The following PDE7B variants were observed in gnomAD, a reference collection of about 807,000 sequenced individuals.
PDE7B encodes the protein phosphodiesterase 7B, also known as 3',5'-cyclic-AMP phosphodiesterase 7B.
In PDE7B, 29 loss-of-function variants were observed where a neutral mutation model predicts 56.2. That is an observed-to-expected ratio of 0.52 (90% confidence interval 0.38 to 0.70). PDE7B has a LOEUF of 0.70. PDE7B is among the 30% of genes least tolerant of loss of function. The pLI is 0.00. For synonymous variants in PDE7B, 197 were observed against 196.9 expected, an observed-to-expected ratio of 1.00 and a Z score of 0.00; for missense variants, 490 against 565.0, an observed-to-expected ratio of 0.87 and a Z score of 1.35.
intron 2 of PDE7B, among the ~76,000 whole-genome samples, chr6:136,042,811 A>G (rs1776435162): frequency 6.6e-6 from 1 of 152,244 alleles, no homozygotes; most frequent in Non-Finnish European, 1.5e-5. Context: ...ATTATAATCA[A>G]GAAGCATTTA....
At chr6:135,889,740 C>G (rs1254799857) in intron 1 of PDE7B, among the ~76,000 whole-genome samples, 2 of 130,644 alleles carry the variant, frequency 1.5e-5, no homozygotes, top group African/African-American at 6.0e-5. Flanking sequence ...CGCACCCAGA[C>G]GGTGCTACCA....
chr6:136,013,394 G>C (rs909605642), intron 2 of PDE7B, among the ~76,000 whole-genome samples: 5 of 152,216 alleles, frequency 3.3e-5, no homozygotes, highest in African/African-American at 1.2e-4. Context: ...GACTGGAATA[G>C]TTATGGAACT....
chr6:136,016,399 G>A (rs978316043), intron 2 of PDE7B, among the ~76,000 whole-genome samples: 1 of 152,180 alleles, frequency 6.6e-6, no homozygotes, highest in Non-Finnish European at 1.5e-5. Context: ...CACAAAGCCA[G>A]GTACGTCTGA....
chr6:135,905,344 GTGTA>G (rs1280899943), intron 1 of PDE7B, among the ~76,000 whole-genome samples: 15 of 94,136 alleles, frequency 1.6e-4, no homozygotes, highest in Admixed American at 4.4e-4. Context: ...GCGTGTGTGT[GTGTA>G]TGTGTGTGTG....
intron 2 of PDE7B, among the ~76,000 whole-genome samples, chr6:136,108,385 C>T (rs1056209389): frequency 2.6e-5 from 4 of 152,040 alleles, no homozygotes; most frequent in African/African-American, 7.2e-5. Context: ...AGAACGAAAG[C>T]TACAATGCAA....
rs368932481 is a variant in PDE7B, at chr6:135,996,919, T to C, written c.82+49395T>C. ...TGCTGTGAAGATTAGTCACATTAAA[T>C]TTGAGTATAGTCCATTGGAGATATG... On this transcript the variant is annotated intron_variant, in intron 2 of 12. Coordinates refer to ENST00000308191, the MANE Select transcript of PDE7B (RefSeq NM_018945.4). Among the ~76,000 whole-genome samples the C allele has an allele frequency of 9.9e-5, 15 of 152,234 alleles. 1 individual carries two copies. Among genetic ancestry groups the C allele is most frequent in the Admixed American group, 5.2e-4 (8 of 15,296 alleles).
At chr6:135,909,047 TTA>T (rs2128193388) in intron 1 of PDE7B, among the ~76,000 whole-genome samples, 1 of 152,336 alleles carries the variant, frequency 6.6e-6, no homozygotes, top group Non-Finnish European at 1.5e-5. Context: ...ACTTTGGATC[TTA>T]TGTTAGTTAT....
intron 2 of PDE7B, among the ~76,000 whole-genome samples, chr6:135,973,469 T>C (rs1174217884): frequency 4.6e-5 from 7 of 151,072 alleles, no homozygotes; most frequent in African/African-American, 1.7e-4. Flanking sequence ...TCCTGACTTC[T>C]GTTCTTTTAA....
chr6:135,989,921 A>C (rs1216223952), intron 2 of PDE7B, among the ~76,000 whole-genome samples: 2 of 152,138 alleles, frequency 1.3e-5, no homozygotes, highest in East Asian at 3.8e-4. Context: ...AAATGTAGTT[A>C]TAGATTTTAT....
chr6:135,914,470 T>TC (rs1776262171), intron 1 of PDE7B, among the ~76,000 whole-genome samples: 1 of 146,934 alleles, frequency 6.8e-6, no homozygotes, highest in Non-Finnish European at 1.5e-5. Flanking sequence ...CTGGCTTATT[T>TC]CCCTTTTTAT....
At chr6:135,921,287 A>G (rs940297754) in intron 1 of PDE7B, among the ~76,000 whole-genome samples, 6 of 152,160 alleles carry the variant, frequency 3.9e-5, no homozygotes, top group Non-Finnish European at 7.4e-5. Context: ...TCTTAGATGG[A>G]CAGATATATT....
At chr6:136,142,905 A>C (rs537287458) in intron 3 of PDE7B, among the ~76,000 whole-genome samples, 1 of 152,008 alleles carries the variant, frequency 6.6e-6, no homozygotes, top group South Asian at 2.1e-4. Context: ...TCTTTATCCA[A>C]TTTGCCAGTC....
intron 2 of PDE7B, among the ~76,000 whole-genome samples, chr6:136,055,228 A>G (rs1308201736): frequency 1.3e-5 from 2 of 152,250 alleles, no homozygotes; most frequent in African/African-American, 2.4e-5. Flanking sequence ...AGATATGCCC[A>G]TGATGGAATT....
rs111669146 is a variant in PDE7B, at chr6:135,905,182, A to T, written c.22-42282A>T. ...TGATTGAAAATAAAAGAACTAAAAA[A>T]TCAACCAAGTGCCACTAACATATTT... On this transcript the variant is annotated intron_variant, in intron 1 of 12. Transcript: ENST00000308191. 7.0e-3 allele frequency among the ~76,000 whole-genome samples: 1,071 copies of T among 152,334 alleles called. 12 individuals are homozygous for T. The highest frequency in any genetic ancestry group is 0.025 in the African/African-American group (1,028 of 41,582).
rs567798591 is a variant in PDE7B, at chr6:135,913,312, G to A, written c.22-34152G>A. 3.3e-5 allele frequency among the ~76,000 whole-genome samples: 5 copies of A among 152,310 alleles called. No homozygotes were observed. The South Asian group carries it at 1.0e-3, about 32-fold the overall frequency. On this transcript the variant is annotated intron_variant, in intron 1 of 12. Coordinates refer to ENST00000308191, the MANE Select transcript of PDE7B (RefSeq NM_018945.4). ...CTCAGGCCATTCCAGTCCAGGGCCT[G>A]TGCTGCTAACCACCATGAAAGATGC...
intron 2 of PDE7B, among the ~76,000 whole-genome samples, chr6:135,979,220 A>G (rs1298697486): frequency 2.0e-5 from 3 of 151,702 alleles, no homozygotes; most frequent in Non-Finnish European, 2.9e-5. Context: ...CATCCCAGGG[A>G]TGAAGCCCAC....
At chr6:135,955,787 CTT>C (rs1774782856) in intron 2 of PDE7B, among the ~76,000 whole-genome samples, 1 of 152,112 alleles carries the variant, frequency 6.6e-6, no homozygotes, top group Non-Finnish European at 1.5e-5. Flanking sequence ...ATACAGGAAA[CTT>C]TTCAAGAGGG....
intron 2 of PDE7B, chr6:136,044,427 A>C (rs1406771947): frequency 6.6e-6 from 1 of 152,208 alleles, no homozygotes; most frequent in Non-Finnish European, 1.5e-5. Flanking sequence ...GCATGAATGA[A>C]CATCTTTTTA....
intron 1 of PDE7B, among the ~76,000 whole-genome samples, chr6:135,899,255 A>C (rs1345685031): frequency 1.3e-5 from 2 of 152,098 alleles, no homozygotes; most frequent in African/African-American, 4.8e-5. Context: ...AGACTAATAC[A>C]TCATGTCAGA....
Sources: allele counts gnomAD v4.1 joint callset (sites outside exome capture counted in the v4.1 genomes callset), GRCh38; gene constraint gnomAD v4.1.1; transcripts MANE v1.5; gene names NCBI Gene and HGNC (gene_info 2026-07-23, HGNC 2026-07-21).